AKR1C2: variants seen among roughly 807,000 people sequenced by gnomAD.
The protein encoded by AKR1C2 is aldo-keto reductase family 1 member C2.
In AKR1C2, 27 loss-of-function variants were observed where a neutral mutation model predicts 39.8. The observed-to-expected ratio is 0.68, with a 90% CI of 0.50 to 0.93. The LOEUF is 0.93. Ranked by LOEUF, AKR1C2 falls within the 40% of genes least tolerant of loss-of-function variation. AKR1C2 has a pLI of 0.00. For synonymous variants in AKR1C2, 114 were observed against 137.9 expected, an observed-to-expected ratio of 0.83 and a Z score of 1.22; for missense variants, 263 against 365.1, an observed-to-expected ratio of 0.72 and a Z score of 2.28.
intron 5 of AKR1C2, among the ~76,000 whole-genome samples, chr10:4,996,991 G>A (rs1837074899): frequency 6.6e-6 from 1 of 152,068 alleles, no homozygotes; most frequent in African/African-American, 2.4e-5. Flanking sequence ...GACTTCTTCT[G>A]TTGAGAATTA....
chr10:5,014,496 T>C (rs7073878), intron 1 of AKR1C2, among the ~76,000 whole-genome samples: 94,815 of 151,228 alleles, frequency 0.63, 30,713 homozygotes, highest in African/African-American at 0.68. Context: ...CAAGGTGTGT[T>C]GGCATCCAAA....
At chr10:4,998,532 A>G in intron 5 of AKR1C2, 93 bp downstream of exon 5, 1 of 1,555,594 alleles carries the variant, frequency 6.4e-7, no homozygotes, top group Non-Finnish European at 8.7e-7. Flanking sequence ...TCTCTTTTAC[A>G]AAGATAAGTG....
chr10:4,994,568 G>C (rs1347911195), intron 7 of AKR1C2, among the ~76,000 whole-genome samples: 4 of 152,154 alleles, frequency 2.6e-5, no homozygotes, highest in Non-Finnish European at 5.9e-5. Context: ...CTGGGGTCAT[G>C]CCCTGTGCTG....
intron 1 of AKR1C2, among the ~76,000 whole-genome samples, chr10:5,016,469 A>G (rs61856102): frequency 0.052 from 7,904 of 152,280 alleles, 242 homozygotes; most frequent in Admixed American, 0.078. Context: ...CTCCGAAATA[A>G]TCTCTATTGA....
intron 1 of AKR1C2, among the ~76,000 whole-genome samples, chr10:5,011,840 G>A (rs536064074): frequency 5.2e-4 from 79 of 152,326 alleles, no homozygotes; most frequent in Non-Finnish European, 8.7e-4. Flanking sequence ...AAATCGAAGC[G>A]TAAGAGGCTT....
At chr10:4,999,417 A>C (rs533279944) in intron 3 of AKR1C2, 140 bp from the exon 4 acceptor site, 1 of 1,579,304 alleles carries the variant, frequency 6.3e-7, no homozygotes, top group East Asian at 2.3e-5. Flanking sequence ...TACAAAGTGT[A>C]CTACATATGA....
chr10:4,995,786 C>T lies in AKR1C2; in HGVS notation c.650G>A (p.Ser217Asn), dbSNP rs1554772956. 6.2e-7 allele frequency: 1 copy of T among 1,612,246 alleles called. No individual in the cohort carries two copies. The highest frequency in any genetic ancestry group is 8.5e-7 in the Non-Finnish European group (1 of 1,179,524). ...TTCTTCTCGATGGGATCCCAGAGCACTATAGGCAACCAGAACAATGTCTTT... is the reference window on the plus strand; with the variant it reads ...TTCTTCTCGATGGGATCCCAGAGCATTATAGGCAACCAGAACAATGTCTTT... ...KSKDIVLVAY[S>N]ALGSHREEPW... The change falls in exon 6 of 9, where the codon AGT (serine) becomes AAT (asparagine). Residue 217 changes from serine (S) to asparagine (N), a missense_variant. By Grantham distance (46) the Ser-to-Asn change is conservative (BLOSUM62 1). Transcript: ENST00000380753.
At chr10:5,013,848 A>T (rs1338035832) in intron 1 of AKR1C2, among the ~76,000 whole-genome samples, 1 of 152,194 alleles carries the variant, frequency 6.6e-6, no homozygotes, top group African/African-American at 2.4e-5. Flanking sequence ...CTGCTCATTA[A>T]ACAACAACTT....
At chr10:5,013,052 T>C (rs1837554994) in intron 1 of AKR1C2, among the ~76,000 whole-genome samples, 1 of 152,164 alleles carries the variant, frequency 6.6e-6, no homozygotes, top group Non-Finnish European at 1.5e-5. Context: ...TTATCAAAAT[T>C]GGGACAAGGG....
chr10:4,994,906 G>A (rs1332713111), intron 7 of AKR1C2, among the ~76,000 whole-genome samples: 1 of 142,058 alleles, frequency 7.0e-6, no homozygotes, highest in Non-Finnish European at 1.5e-5. Flanking sequence ...AAAAAAGGCA[G>A]AGTTAAACAA....
chr10:5,010,651 C>G (rs1837500452), intron 1 of AKR1C2: 1 of 152,144 alleles, frequency 6.6e-6, no homozygotes, highest in Non-Finnish European at 1.5e-5. Flanking sequence ...AGCACTCTTC[C>G]CACTGTAGTT....
intron 1 of AKR1C2, among the ~76,000 whole-genome samples, chr10:5,003,204 GTTT>G (rs76620886): frequency 1.4e-5 from 2 of 139,272 alleles, no homozygotes; most frequent in African/African-American, 2.6e-5. Context: ...TTTGGTTCTA[GTTT>G]TTTTTTTTTT....
intron 1 of AKR1C2, among the ~76,000 whole-genome samples, chr10:5,014,739 T>C (rs1837601545): frequency 6.6e-6 from 1 of 152,234 alleles, no homozygotes; most frequent in South Asian, 2.1e-4. Flanking sequence ...ATGGACAATG[T>C]CTAACAGCTG....
chr10:5,002,668 T>C (rs1554773977), intron 1 of AKR1C2, among the ~76,000 whole-genome samples: 1 of 152,212 alleles, frequency 6.6e-6, no homozygotes, highest in African/African-American at 2.4e-5. Context: ...ATCTTTTAAA[T>C]GACAAAAACA....
chr10:4,988,396 A>C lies in AKR1C2; in HGVS notation c.*1600T>G, dbSNP rs1588294945. 6.6e-6 allele frequency: 1 copy of C among 150,562 alleles called. No individual in the cohort carries two copies. The highest frequency in any genetic ancestry group is 1.9e-4 in the East Asian group (1 of 5,190). 9.3% of individuals were successfully genotyped at this position (150,562 alleles called of 1,614,324 possible). ...AGTTCACATTATGATCTTCCATTGA[A>C]GATTTGGAGGAAAACGCTGAGCTAG... On this transcript the variant is annotated 3_prime_UTR_variant, in exon 9 of 9. Transcript: ENST00000380753.
rs1296277092 is a variant in AKR1C2 at position 4,988,906 on chromosome 10, G to A, written c.*1090C>T. 6.6e-6 allele frequency: 1 copy of A among 152,096 alleles called. No homozygotes were observed. The highest frequency in any genetic ancestry group is 2.4e-5 in the African/African-American group (1 of 41,398). The allele number at this position is 152,096 out of a possible 1,614,324, so 9.4% of individuals were successfully genotyped here. A position where few individuals can be genotyped will look rare whatever the true frequency, so the allele number is the denominator to read the frequency against. On this transcript the variant is annotated 3_prime_UTR_variant, in exon 9 of 9. Coordinates refer to ENST00000380753, the MANE Select transcript of AKR1C2 (RefSeq NM_001393392.1). The stretch of plus-strand genomic sequence containing the variant: ...AGAGTTCTTCTTAAAATTTACCAAA[G>A]TTTGAAACCAGTGTGCTGTTTTACA...
intron 1 of AKR1C2, chr10:5,013,584 A>G (rs116446681): frequency 0.014 from 2,385 of 169,614 alleles, 64 homozygotes; most frequent in African/African-American, 0.053. Flanking sequence ...ACCCTGATGG[A>G]CCTGGTTAAA....
intron 5 of AKR1C2, among the ~76,000 whole-genome samples, chr10:4,996,501 A>T (rs553822241): frequency 6.8e-6 from 1 of 147,612 alleles, no homozygotes; most frequent in East Asian, 2.0e-4. Flanking sequence ...ACTTGCCCTC[A>T]TGAGTCTTTG....
At chr10:5,001,387 G>A in intron 2 of AKR1C2, 127 bp downstream of exon 2, 2 of 1,487,532 alleles carry the variant, frequency 1.3e-6, no homozygotes, top group East Asian at 2.3e-5. Flanking sequence ...TAATACATGA[G>A]TAAGTGTGAA....
Sources: gnomAD v4.1 joint callset for allele counts (sites outside exome capture counted in the v4.1 genomes callset) on GRCh38, gnomAD v4.1.1 for gene constraint, MANE v1.5 for transcripts, NCBI Gene and HGNC (gene_info 2026-07-23, HGNC 2026-07-21) for gene names.